The following FSCB variants were observed in gnomAD, a reference collection of about 807,000 sequenced individuals.
FSCB encodes the protein fibrous sheath CABYR-binding protein.
For missense variants in FSCB, 975 were observed against 934.8 expected (o/e 1.04, Z -0.56); for synonymous variants, 331 against 336.6 (o/e 0.98, Z 0.18).
chr14:44,506,383 G>A lies in FSCB; in HGVS notation c.605C>T (p.Thr202Ile). The change falls in exon 1 of 1, where the codon ACA (threonine) becomes ATA (isoleucine). Residue 202 changes from threonine to isoleucine, a missense_variant. Transcript: ENST00000340446. ...CTGCCCAATTTCTTCATTGCTGTTT[G>A]TTGCTGGTTGAAATTCAGGGTGTTC... The part of the protein sequence containing the change: ...ASEHPEFQPA[T>I]NSNEEIGQKN... 6.2e-7 allele frequency: 1 copy of A among 1,614,122 alleles called. No homozygotes were observed. The highest frequency in any genetic ancestry group is 8.5e-7 in the Non-Finnish European group (1 of 1,180,030).
chr14:44,504,992 C>T lies in FSCB; in HGVS notation c.1996G>A (p.Ala666Thr), dbSNP rs1566598128. Reference protein sequence around the residue: ...AEVQPPPAEEAPAEVQPPPAE... With the variant: ...AEVQPPPAEETPAEVQPPPAE... ...GGTGGAGGCTGAACTTCAGCGGGGG[C>T]CTCCTCAGCTGGTGGAGGCTGAACT... is the stretch of plus-strand genomic sequence containing the variant. Residue 666 changes from alanine (A) to threonine (T), a missense_variant, in exon 1 of 1, where the codon GCC becomes ACC. Transcript: ENST00000340446. 3.2e-6 allele frequency: 5 copies of T among 1,567,504 alleles called. No individual in the cohort carries two copies. Among genetic ancestry groups the T allele is most frequent in the Non-Finnish European group, 4.3e-6 (5 of 1,159,594 alleles).
At position 44,505,608 on chromosome 14, in the gene FSCB, T is replaced by C. The variant is rs1881053952; in HGVS notation, c.1380A>G (p.Pro460=). 1.9e-6 allele frequency: 3 copies of C among 1,613,298 alleles called. No homozygotes were observed. Among genetic ancestry groups the C allele is most frequent in the African/African-American group, 2.7e-5 (2 of 74,896 alleles). ...CTTCTGCAGTGGTCTCTTTAGGTAATGGAGACTGAAATTCAGTAGGAGCCT... is the reference window on the plus strand; with the variant it reads ...CTTCTGCAGTGGTCTCTTTAGGTAACGGAGACTGAAATTCAGTAGGAGCCT... ...AEEAPTEFQS[P]LPKETTAEEA... The change falls in exon 1 of 1, where the codon CCA becomes CCG. Residue 460 remains proline (P), a synonymous_variant. Coordinates refer to ENST00000340446, the MANE Select transcript of FSCB (RefSeq NM_032135.4).
rs1881050698 is a variant in FSCB, at chr14:44,505,517, C to T, written c.1471G>A (p.Ala491Thr). The T allele has an allele frequency of 1.9e-6, 3 of 1,611,932 alleles. No homozygotes were observed. The highest frequency in any genetic ancestry group is 1.3e-5 in the African/African-American group (1 of 74,680). ...EPPADETPAEARSPLSEETSA... is the reference protein window; with the variant it reads ...EPPADETPAETRSPLSEETSA... ...GTCTCCTCAGATAGTGGAGACCGAGCTTCGGCAGGAGTTTCATCTGCAGGA... is the reference window on the plus strand; with the variant it reads ...GTCTCCTCAGATAGTGGAGACCGAGTTTCGGCAGGAGTTTCATCTGCAGGA... Residue 491 changes from alanine to threonine, a missense_variant, in exon 1 of 1, where the codon GCT becomes ACT. Ala to Thr is a moderately conservative substitution (Grantham distance 58). Coordinates refer to ENST00000340446, the MANE Select transcript of FSCB (RefSeq NM_032135.4).
Position 44,505,492 on chromosome 14 carries a change from G to C in FSCB, c.1496C>G (p.Thr499Ser), listed in dbSNP as rs750632970. Reference sequence around the variant, plus strand: ...TTCAGCATGAGCCTCTTCTGCAGAAGTCTCCTCAGATAGTGGAGACCGAGC... The same window carrying C: ...TTCAGCATGAGCCTCTTCTGCAGAACTCTCCTCAGATAGTGGAGACCGAGC... ...AEARSPLSEE[T>S]SAEEAHAEVQ... The change falls in exon 1 of 1, where the codon ACT becomes AGT. Residue 499 changes from threonine (T) to serine (S), a missense_variant. Transcript: ENST00000340446. The C allele has an allele frequency of 3.7e-6, 6 of 1,612,182 alleles. No homozygotes were observed. The highest frequency in any genetic ancestry group is 5.1e-6 in the Non-Finnish European group (6 of 1,179,984).
At position 44,506,625 on chromosome 14, in the gene FSCB, T is replaced by C. The variant is rs1338401896; in HGVS notation, c.363A>G (p.Ile121Met). The change falls in exon 1 of 1, where the codon ATA (isoleucine) becomes ATG (methionine). Residue 121 changes from isoleucine to methionine, a missense_variant. Ile to Met is a conservative substitution (Grantham distance 10, BLOSUM62 1). Coordinates refer to ENST00000340446, the MANE Select transcript of FSCB (RefSeq NM_032135.4). ...SVQDVEIPPN[I>M]PSVQLKMDRS... ...TGTCCATTTTTAGTTGAACTGAAGG[T>C]ATGTTTGGTGGAATTTCTACATCCT... 6.2e-7 allele frequency: 1 copy of C among 1,614,132 alleles called. No individual in the cohort carries two copies. The highest frequency in any genetic ancestry group is 8.5e-7 in the Non-Finnish European group (1 of 1,180,026).
chr14:44,504,923 C>T lies in FSCB; in HGVS notation c.2065G>A (p.Glu689Lys). 6.2e-7 allele frequency: 1 copy of T among 1,609,836 alleles called. No individual in the cohort carries two copies. Residue 689 changes from glutamate (E) to lysine (K), a missense_variant, in exon 1 of 1, where the codon GAG (glutamate) becomes AAG (lysine). Physicochemically the swap from Glu to Lys is moderately conservative, Grantham distance 56. Coordinates refer to ENST00000340446, the MANE Select transcript of FSCB (RefSeq NM_032135.4). ...PAEVQSLPAEETPIEETLAAV... is the reference protein window; with the variant it reads ...PAEVQSLPAEKTPIEETLAAV... The stretch of plus-strand genomic sequence containing the variant: ...GCAAGGGTCTCTTCTATAGGAGTCT[C>T]CTCAGCTGGTAGAGACTGAACTTCA...
chr14:44,504,564 A>AAGAGTGG, the FSCB span: 1 of 1,613,508 alleles, frequency 6.2e-7, no homozygotes. Flanking sequence ...TTTCTATTTC[A>AAGAGTGG]AGAGTGGGAG....
rs1333394981 is a variant in FSCB, at chr14:44,505,680, C to A, written c.1308G>T (p.Glu436Asp). 8 of 1,613,564 alleles carry A rather than the reference C, an allele frequency of 5.0e-6. No homozygotes were observed. Among genetic ancestry groups the A allele is most frequent in the Non-Finnish European group, 6.8e-6 (8 of 1,180,012 alleles). The change falls in exon 1 of 1, where the codon GAG becomes GAT. Residue 436 changes from glutamate to aspartate, a missense_variant. Physicochemically the swap from Glu to Asp is conservative, Grantham distance 45. Transcript: ENST00000340446. Reference sequence around the variant, plus strand: ...CTGTTGAAAGCTGAAGTTCTCGAGCCTCTTCTCTAGGAGCCTCTTCAGGTA... The same window carrying A: ...CTGTTGAAAGCTGAAGTTCTCGAGCATCTTCTCTAGGAGCCTCTTCAGGTA... ...PLLPEEAPRE[E>D]ARELQLSTAM...
Position 44,506,030 on chromosome 14 carries a change from G to A in FSCB, c.958C>T (p.Pro320Ser), listed in dbSNP as rs1210911861. Residue 320 changes from proline to serine, a missense_variant, in exon 1 of 1, where the codon CCT becomes TCT. By Grantham distance (74) the Pro-to-Ser change is moderately conservative (BLOSUM62 -1). Transcript: ENST00000340446. ...TCCACTAAAGGGGCCTCTTCAGCAG[G>A]TGGAGGCTGAACTTTAACAGAATTC... ...AENSVKVQPP[P>S]AEEAPLVEFP... 1.2e-6 allele frequency: 2 copies of A among 1,614,168 alleles called. No homozygotes were observed. The highest frequency in any genetic ancestry group is 1.3e-5 in the African/African-American group (1 of 75,038).
chr14:44,507,102 T>G lies in FSCB; in HGVS notation c.-115A>C, dbSNP rs1438649211. On this transcript the variant is annotated 5_prime_UTR_variant, in exon 1 of 1. Transcript: ENST00000340446. ...GTAGTGATTTCAAACTTATTAATTT[T>G]CAAGTAATGACCAAAAATCACAAAC... 1 of 849,898 alleles carries G rather than the reference T, an allele frequency of 1.2e-6. No individual in the cohort carries two copies. 52.6% of individuals were successfully genotyped at this position (849,898 alleles called of 1,614,324 possible). A position where few individuals can be genotyped will look rare whatever the true frequency, so the allele number is the denominator to read the frequency against.
In FSCB at chr14:44,505,492, G is replaced by A. The variant is rs750632970; in HGVS notation, c.1496C>T (p.Thr499Ile). ...TTCAGCATGAGCCTCTTCTGCAGAA[G>A]TCTCCTCAGATAGTGGAGACCGAGC... is the stretch of plus-strand genomic sequence containing the variant. Reference protein sequence around the residue: ...AEARSPLSEETSAEEAHAEVQ... With the variant: ...AEARSPLSEEISAEEAHAEVQ... The change falls in exon 1 of 1, where the codon ACT becomes ATT. Residue 499 changes from threonine (T) to isoleucine (I), a missense_variant. Coordinates refer to ENST00000340446, the MANE Select transcript of FSCB (RefSeq NM_032135.4). 4 of 1,612,300 alleles carry A rather than the reference G, an allele frequency of 2.5e-6. No homozygotes were observed. The highest frequency in any genetic ancestry group is 1.3e-5 in the African/African-American group (1 of 74,976).
At position 44,505,557 on chromosome 14, in the gene FSCB, T is replaced by C; in HGVS notation, c.1431A>G (p.Leu477=). Residue 477 remains leucine (L), a synonymous_variant, in exon 1 of 1, where the codon CTA becomes CTG. Transcript: ENST00000340446. ...CATCTGCAGGAGGCTCCGTAGCTGC[T>C]AGAAGCTGAATTTCAGCAGAGGCCT... The part of the protein sequence containing the change: ...AEEASAEIQL[L]AATEPPADET... 1 of 1,612,500 alleles carries C rather than the reference T, an allele frequency of 6.2e-7. No homozygotes were observed. Among genetic ancestry groups the C allele is most frequent in the Non-Finnish European group, 8.5e-7 (1 of 1,179,940 alleles).
rs1284684899 is a variant in FSCB, at chr14:44,505,928, A to G, written c.1060T>C (p.Ser354Pro). 1.2e-6 allele frequency: 2 copies of G among 1,613,102 alleles called. No homozygotes were observed. Among genetic ancestry groups the G allele is most frequent in the Non-Finnish European group, 1.7e-6 (2 of 1,179,202 alleles). The change falls in exon 1 of 1, where the codon TCA (serine) becomes CCA (proline). Residue 354 changes from serine (S) to proline (P), a missense_variant. Ser to Pro is a moderately conservative substitution (Grantham distance 74). Transcript: ENST00000340446. ...VELLAEILPP[S>P]AEESPSEEPP... ...TCTTCTGAAGGGGACTCTTCAGCTG[A>G]TGGAGGCAGAATTTCAGCCAGAAGC...
chr14:44,505,388 G>A lies in FSCB; in HGVS notation c.1600C>T (p.Pro534Ser). 6.2e-7 allele frequency: 1 copy of A among 1,610,952 alleles called. No individual in the cohort carries two copies. Among genetic ancestry groups the A allele is most frequent in the South Asian group, 1.1e-5 (1 of 90,848 alleles). The change falls in exon 1 of 1, where the codon CCT becomes TCT. Residue 534 changes from proline (P) to serine (S), a missense_variant. Transcript: ENST00000340446. ...EIQLLAAIEA[P>S]ADETPAEAQS... is the part of the protein sequence containing the mutation. ...GCTTCAGCAGGAGTTTCATCTGCAG[G>A]AGCCTCTATAGCTGCTAGAAGCTGA...
rs199888788 is a variant in FSCB at position 44,505,428 on chromosome 14, C to T, written c.1560G>A (p.Glu520=). The T allele has an allele frequency of 9.2e-5, 149 of 1,612,272 alleles. No homozygotes were observed. The highest frequency in any genetic ancestry group is 2.1e-4 in the Middle Eastern group (1 of 4,710). The part of the protein sequence containing the change: ...SPLAEETTAE[E]ASAEIQLLAA... ...CTAGAAGCTGAATTTCAGCAGAGGCCTCTTCTGCAGTGGTCTCTTCAGCTA... is the reference window on the plus strand; with the variant it reads ...CTAGAAGCTGAATTTCAGCAGAGGCTTCTTCTGCAGTGGTCTCTTCAGCTA... The change falls in exon 1 of 1, where the codon GAG becomes GAA. Residue 520 remains glutamate (E), a synonymous_variant. Transcript: ENST00000340446.
Position 44,506,833 on chromosome 14 carries a change from G to C in FSCB, c.155C>G (p.Ser52Cys), listed in dbSNP as rs1267305477. 3 of 1,614,052 alleles carry C rather than the reference G, an allele frequency of 1.9e-6. No individual in the cohort carries two copies. In the South Asian group the frequency reaches 3.3e-5, roughly 18 times the overall value. Residue 52 changes from serine to cysteine, a missense_variant, in exon 1 of 1, where the codon TCT becomes TGT. Ser to Cys is a moderately radical substitution (Grantham distance 112). Coordinates refer to ENST00000340446, the MANE Select transcript of FSCB (RefSeq NM_032135.4). ...SAKAYESIRV[S>C]SELQQTWTKR... ...TGTCCAAGTTTGCTGAAGCTCAGAA[G>C]ATACTCTAATAGACTCATAGGCTTT...
Position 44,504,649 on chromosome 14 carries a change from C to T in FSCB, c.2339G>A (p.Gly780Asp). 1.2e-6 allele frequency: 2 copies of T among 1,614,198 alleles called. No individual in the cohort carries two copies. The highest frequency in any genetic ancestry group is 1.7e-6 in the Non-Finnish European group (2 of 1,180,036). The change falls in exon 1 of 1, where the codon GGT becomes GAT. Residue 780 changes from glycine (G) to aspartate (D), a missense_variant. Gly to Asp is a moderately conservative substitution (Grantham distance 94, BLOSUM62 -1). Transcript: ENST00000340446. Reference protein sequence around the residue: ...AVKLGSVVLEGEAKFEEVSKI... With the variant: ...AVKLGSVVLEDEAKFEEVSKI... Reference sequence around the variant, plus strand: ...TGAAACCTCTTCAAATTTTGCTTCACCTTCCAAAACAACCGATCCTAATTT... The same window carrying T: ...TGAAACCTCTTCAAATTTTGCTTCATCTTCCAAAACAACCGATCCTAATTT...
In FSCB at chr14:44,506,933, T is replaced by A; in HGVS notation, c.55A>T (p.Ile19Leu). 6.2e-7 allele frequency: 1 copy of A among 1,601,430 alleles called. No individual in the cohort carries two copies. The change falls in exon 1 of 1, where the codon ATA becomes TTA. Residue 19 changes from isoleucine (I) to leucine (L), a missense_variant. Physicochemically the swap from Ile to Leu is conservative, Grantham distance 5. Coordinates refer to ENST00000340446, the MANE Select transcript of FSCB (RefSeq NM_032135.4). The part of the protein sequence containing the change: ...DVIEKKKHMA[I>L]PKSSSPKATH... The stretch of plus-strand genomic sequence containing the variant: ...GCTTTGGGGCTAGATGATTTTGGTA[T>A]GGCCATGTGTTTCTTTTTCTCTATT...
Position 44,507,047 on chromosome 14 carries a change from T to G in FSCB, c.-60A>C. 1 of 1,218,896 alleles carries G rather than the reference T, an allele frequency of 8.2e-7. No individual in the cohort carries two copies. The highest frequency in any genetic ancestry group is 1.1e-6 in the Non-Finnish European group (1 of 873,782). The allele number at this position is 1,218,896 out of a possible 1,614,324, so 75.5% of individuals were successfully genotyped here. A position where few individuals can be genotyped will look rare whatever the true frequency, so the allele number is the denominator to read the frequency against. On this transcript the variant is annotated 5_prime_UTR_variant, in exon 1 of 1. Coordinates refer to ENST00000340446, the MANE Select transcript of FSCB (RefSeq NM_032135.4). ...TGCCTACACGCTGAGATAGGCTGAT[T>G]AGAGTCATCACTTTCTTCCATTTCT...
Sources: allele counts gnomAD v4.1 joint callset, GRCh38; gene constraint gnomAD v4.1.1; transcripts MANE v1.5; gene names NCBI Gene and HGNC (gene_info 2026-07-23, HGNC 2026-07-21).